ADAM12: variants seen among roughly 807,000 people sequenced by gnomAD.
The protein encoded by ADAM12 is ADAM metallopeptidase domain 12.
In ADAM12, 70 loss-of-function variants were observed where a neutral mutation model predicts 106.4. That is an observed-to-expected ratio of 0.66 (90% CI 0.54 to 0.80). ADAM12 has a LOEUF of 0.80. Ranked by LOEUF, ADAM12 falls within the 30% of genes least tolerant of loss-of-function variation. ADAM12 has a pLI of 0.00. For missense variants in ADAM12, 1,010 were observed against 1,171.9 expected (o/e 0.86, Z 2.02); for synonymous variants, 420 against 433.5 (o/e 0.97, Z 0.39).
chr10:126,086,844 G>A (rs1328169331), intron 11 of ADAM12, among the ~76,000 whole-genome samples: 1 of 149,830 alleles, frequency 6.7e-6, no homozygotes, highest in Non-Finnish European at 1.5e-5. Context: ...GACCAGCCTG[G>A]CCAACATGGT....
At chr10:126,058,313 T>A (rs559805819) in intron 14 of ADAM12, among the ~76,000 whole-genome samples, 2 of 152,356 alleles carry the variant, frequency 1.3e-5, no homozygotes, top group East Asian at 3.9e-4. Context: ...GGAAAGCACA[T>A]CATGTCTCCA....
At chr10:126,369,549 G>A (rs534180323) in intron 1 of ADAM12, among the ~76,000 whole-genome samples, 1 of 152,218 alleles carries the variant, frequency 6.6e-6, no homozygotes, top group African/African-American at 2.4e-5. Flanking sequence ...GAGTGAGAGT[G>A]GGAAAAGAAC....
At chr10:126,357,575 G>A (rs977134368) in intron 1 of ADAM12, among the ~76,000 whole-genome samples, 1 of 152,168 alleles carries the variant, frequency 6.6e-6, no homozygotes, top group Non-Finnish European at 1.5e-5. Flanking sequence ...AAAGCAAAGA[G>A]GTTGAATTGA....
intron 11 of ADAM12, among the ~76,000 whole-genome samples, chr10:126,076,651 T>C (rs1955108110): frequency 6.6e-6 from 1 of 152,254 alleles, no homozygotes; most frequent in South Asian, 2.1e-4. Context: ...GTCACTTGTA[T>C]GTCTCCTTTT....
intron 3 of ADAM12, among the ~76,000 whole-genome samples, chr10:126,261,803 AT>A (rs11316581): frequency 0.42 from 56,655 of 133,902 alleles, 11,105 homozygotes; most frequent in South Asian, 0.55. Context: ...GATGGATAGT[AT>A]TTTTTTTTTT....
At chr10:126,096,209 TC>T (rs1226576271) in intron 10 of ADAM12, among the ~76,000 whole-genome samples, 1 of 152,224 alleles carries the variant, frequency 6.6e-6, no homozygotes, top group Non-Finnish European at 1.5e-5. Flanking sequence ...GTTACCATGC[TC>T]TGGCACAAAA....
intron 2 of ADAM12, among the ~76,000 whole-genome samples, chr10:126,323,286 T>G (rs1854169903): frequency 1.3e-5 from 2 of 152,184 alleles, no homozygotes; most frequent in Admixed American, 6.5e-5. Flanking sequence ...ATTACTCGAA[T>G]AATCCCTTAG....
chr10:126,259,288 A>G (rs1370442622), intron 3 of ADAM12, among the ~76,000 whole-genome samples: 3 of 152,176 alleles, frequency 2.0e-5, no homozygotes, highest in Non-Finnish European at 4.4e-5. Flanking sequence ...CTTCTTAGAT[A>G]TCCAAGCAAA....
intron 3 of ADAM12, among the ~76,000 whole-genome samples, chr10:126,184,384 T>C (rs1345201967): frequency 6.6e-6 from 1 of 152,222 alleles, no homozygotes; most frequent in East Asian, 1.9e-4. Flanking sequence ...CCCCAGCTCT[T>C]GAGTGTTACA....
Position 126,036,230 on chromosome 10 carries a change from C to A in ADAM12, c.2445G>T (p.Val815=), listed in dbSNP as rs771332764. ...NVPQPQSTQR[V]LPPLHRAPRA... ...GTGGAGCCCGGTGGAGGGGAGGAAG[C>A]ACTCGCTGAGTTGACTGGGGCTGAG... The change falls in exon 21 of 23, where the codon GTG becomes GTT. Residue 815 remains valine (V), a synonymous_variant. Coordinates refer to ENST00000448723, the MANE Select transcript of ADAM12 (RefSeq NM_001288973.2). 1.3e-6 allele frequency: 2 copies of A among 1,549,892 alleles called. No homozygotes were observed. Among genetic ancestry groups the A allele is most frequent in the African/African-American group, 1.4e-5 (1 of 70,628 alleles).
chr10:126,215,602 G>A (rs1957973474), intron 3 of ADAM12, among the ~76,000 whole-genome samples: 1 of 152,144 alleles, frequency 6.6e-6, no homozygotes, highest in African/African-American at 2.4e-5. Context: ...GGTAAACTGA[G>A]GCCAGGAGGA....
At chr10:126,353,031 G>A (rs529977348) in intron 1 of ADAM12, among the ~76,000 whole-genome samples, 118 of 152,260 alleles carry the variant, frequency 7.7e-4, no homozygotes, top group African/African-American at 2.6e-3. Context: ...ATCAAAGCAG[G>A]CTTCTCTCCA....
chr10:126,177,658 T>C (rs1008592878), intron 3 of ADAM12, among the ~76,000 whole-genome samples: 8 of 152,182 alleles, frequency 5.3e-5, no homozygotes, highest in Admixed American at 3.3e-4. Flanking sequence ...GGTTTAAGAA[T>C]GTGGGAAGAA....
chr10:126,034,521 G>A (rs1954024361), intron 21 of ADAM12, among the ~76,000 whole-genome samples: 1 of 152,034 alleles, frequency 6.6e-6, no homozygotes, highest in Non-Finnish European at 1.5e-5. Flanking sequence ...AAAAACCAGA[G>A]AGAACAAACA....
At chr10:126,295,376 C>A (rs1960321518) in intron 2 of ADAM12, among the ~76,000 whole-genome samples, 1 of 152,306 alleles carries the variant, frequency 6.6e-6, no homozygotes, top group South Asian at 2.1e-4. Context: ...ATGTGACTGA[C>A]AATAAGGATT....
In ADAM12 at chr10:126,311,362, T is replaced by C. The variant is rs145458428; in HGVS notation, c.186+19050A>G. ...TCTCCAAAAAACAATTATAAAAAAG[T>C]AGCACAGTGCTTAGGGCACAGCACT... On this transcript the variant is annotated intron_variant, in intron 2 of 22. Coordinates refer to ENST00000448723, the MANE Select transcript of ADAM12 (RefSeq NM_001288973.2). Among the ~76,000 whole-genome samples, 287 of 152,266 alleles carry C rather than the reference T, an allele frequency of 1.9e-3. 9 individuals carry two copies. The South Asian group carries it at 0.051, about 27-fold the overall frequency.
intron 3 of ADAM12, among the ~76,000 whole-genome samples, chr10:126,171,666 A>C (rs895607174): frequency 6.6e-6 from 1 of 152,196 alleles, no homozygotes; most frequent in South Asian, 2.1e-4. Context: ...ACATGACTTC[A>C]CTTCTCTGGA....
intron 3 of ADAM12, among the ~76,000 whole-genome samples, chr10:126,264,296 C>T (rs7903550): frequency 0.47 from 71,324 of 152,004 alleles, 16,950 homozygotes; most frequent in South Asian, 0.62. Flanking sequence ...AAGAAAACCA[C>T]GAAACTGACC....
intron 3 of ADAM12, among the ~76,000 whole-genome samples, chr10:126,198,115 A>G (rs913342109): frequency 8.5e-5 from 13 of 152,376 alleles, no homozygotes; most frequent in Middle Eastern, 3.4e-3. Flanking sequence ...CAAGATGGAC[A>G]GCCACTACGG....
Sources: allele counts gnomAD v4.1 joint callset (sites outside exome capture counted in the v4.1 genomes callset), GRCh38; gene constraint gnomAD v4.1.1; transcripts MANE v1.5; gene names NCBI Gene and HGNC (gene_info 2026-07-23, HGNC 2026-07-21).